The following KIAA1217 variants were observed in gnomAD, a reference collection of about 807,000 sequenced individuals.
The protein encoded by KIAA1217 is KIAA1217, also known as sickle tail protein homolog.
Under a neutral mutation model 163.9 loss-of-function variants are expected in KIAA1217, and 88 were observed. The observed-to-expected ratio is 0.54, with a 90% CI of 0.45 to 0.64. The LOEUF (loss-of-function observed/expected upper bound fraction) is 0.64, where lower values mean the gene tolerates loss of function less well. Among genes scored for constraint, KIAA1217 ranks in the 30% least tolerant of loss-of-function variants. The pLI is 0.00. For missense variants in KIAA1217, 2,372 were observed against 2,475.0 expected (o/e 0.96, Z 0.88); for synonymous variants, 903 against 923.1 (o/e 0.98, Z 0.39).
Position 23,925,599 on chromosome 10 carries a change from C to A in KIAA1217, c.-320-81626C>A, listed in dbSNP as rs143255462. 1.0e-3 allele frequency among the ~76,000 whole-genome samples: 155 copies of A among 152,280 alleles called. 1 individual carries two copies. The highest frequency in any genetic ancestry group is 3.6e-3 in the African/African-American group (149 of 41,556). Reference sequence around the variant, plus strand: ...CAAAGTTCACTTTTATGCTGTGTTCCATGTTTCGAAGGCAGAGGCATCAGT... The same window carrying A: ...CAAAGTTCACTTTTATGCTGTGTTCAATGTTTCGAAGGCAGAGGCATCAGT... On this transcript the variant is annotated intron_variant, in intron 1 of 18. Coordinates refer to the KIAA1217 transcript ENST00000376462.
chr10:24,057,179 G>T lies in KIAA1217; in HGVS notation c.-171+49805G>T, dbSNP rs550716672. On this transcript the variant is annotated intron_variant, in intron 2 of 18. Transcript: ENST00000376462. ...AGAGGATTGCTTGAGTCCAAGAGGT[G>T]GAGGCTGCAGTGAACCATGATCTTG... Among the ~76,000 whole-genome samples, 174 of 152,224 alleles carry T rather than the reference G, an allele frequency of 1.1e-3. 3 individuals carry two copies. The South Asian group carries it at 0.034, about 30-fold the overall frequency.
At chr10:24,450,828 T>A (rs1251250610) in intron 5 of KIAA1217, among the ~76,000 whole-genome samples, 1 of 152,232 alleles carries the variant, frequency 6.6e-6, no homozygotes, top group African/African-American at 2.4e-5. Flanking sequence ...CCAGGCTGAC[T>A]GTCTTCCTTG....
intron 2 of KIAA1217, among the ~76,000 whole-genome samples, chr10:24,193,723 CT>C (rs2066836459): frequency 6.6e-6 from 1 of 150,978 alleles, no homozygotes; most frequent in African/African-American, 2.4e-5. Flanking sequence ...GTGCTCAGTT[CT>C]TAACATTTGA....
intron 1 of KIAA1217, among the ~76,000 whole-genome samples, chr10:23,743,676 G>A (rs1839246168): frequency 6.6e-6 from 1 of 152,128 alleles, no homozygotes; most frequent in Non-Finnish European, 1.5e-5. Context: ...ATGTTTTGGA[G>A]TTCTTAAATT....
At chr10:23,946,800 A>G (rs1363675388) in intron 1 of KIAA1217, among the ~76,000 whole-genome samples, 3 of 152,116 alleles carry the variant, frequency 2.0e-5, no homozygotes, top group Non-Finnish European at 2.9e-5. Flanking sequence ...TGGAGAGACC[A>G]TTTTTATTTT....
chr10:24,087,916 G>GGAAT (rs1202798480), intron 2 of KIAA1217, among the ~76,000 whole-genome samples: 63 of 127,212 alleles, frequency 5.0e-4, no homozygotes, highest in South Asian at 2.0e-3. Context: ...AGCTGTGGTG[G>GGAAT]CCTCCCAAGC....
chr10:23,781,904 C>A (rs1835276484), intron 1 of KIAA1217, among the ~76,000 whole-genome samples: 1 of 152,058 alleles, frequency 6.6e-6, no homozygotes, highest in Middle Eastern at 3.2e-3. Flanking sequence ...TTTCTAGGCT[C>A]TGTATTCTGT....
chr10:23,797,227 T>C (rs939302463), intron 1 of KIAA1217, among the ~76,000 whole-genome samples: 5 of 151,538 alleles, frequency 3.3e-5, no homozygotes, highest in African/African-American at 4.9e-5. Context: ...GACAGGAGAG[T>C]GTTTTCAGGC....
intron 6 of KIAA1217, among the ~76,000 whole-genome samples, chr10:24,480,388 G>A (rs535812956): frequency 6.6e-6 from 1 of 152,304 alleles, no homozygotes; most frequent in African/African-American, 2.4e-5. Flanking sequence ...ACTACCTTCA[G>A]GTCAGTCAAT....
intron 2 of KIAA1217, among the ~76,000 whole-genome samples, chr10:24,363,143 A>G (rs1457418246): frequency 6.6e-6 from 1 of 152,208 alleles, no homozygotes; most frequent in African/African-American, 2.4e-5. Flanking sequence ...TGAAATAGAC[A>G]TAGCAAAAGA....
intron 20 of KIAA1217, chr10:24,545,414 A>C: frequency 4.6e-6 from 6 of 1,304,874 alleles, no homozygotes; most frequent in African/African-American, 1.5e-5. Context: ...CGGGAAGCAG[A>C]GACAAACCAA....
At chr10:24,427,825 A>G (rs2131674937) in intron 3 of KIAA1217, among the ~76,000 whole-genome samples, 1 of 152,340 alleles carries the variant, frequency 6.6e-6, no homozygotes, top group East Asian at 1.9e-4. Flanking sequence ...TCATGCCAAT[A>G]AAACGCCATC....
chr10:24,141,996 A>C (rs928318909), intron 2 of KIAA1217, among the ~76,000 whole-genome samples: 2 of 152,180 alleles, frequency 1.3e-5, no homozygotes, highest in African/African-American at 4.8e-5. Context: ...CAGCCCAAAC[A>C]GGTAAAGACA....
At chr10:23,894,527 G>T (rs1479664904) in intron 1 of KIAA1217, among the ~76,000 whole-genome samples, 2 of 149,966 alleles carry the variant, frequency 1.3e-5, no homozygotes, top group Admixed American at 1.3e-4. Flanking sequence ...CATGCTCATG[G>T]GTAGGAAGAA....
chr10:23,934,620 TA>T (rs1345917599), intron 1 of KIAA1217, among the ~76,000 whole-genome samples: 16 of 93,874 alleles, frequency 1.7e-4, no homozygotes, highest in African/African-American at 1.0e-3. Context: ...TATATATATA[TA>T]TATATTTTTT....
chr10:23,876,494 AAAC>A (rs1346714598), intron 1 of KIAA1217, among the ~76,000 whole-genome samples: 1 of 149,304 alleles, frequency 6.7e-6, no homozygotes, highest in Non-Finnish European at 1.5e-5. Flanking sequence ...AAAAAATGGA[AAAC>A]AAAAAATAAA....
At chr10:24,323,192 G>T (rs1419766987) in intron 2 of KIAA1217, among the ~76,000 whole-genome samples, 1 of 152,100 alleles carries the variant, frequency 6.6e-6, no homozygotes, top group Non-Finnish European at 1.5e-5. Flanking sequence ...CCGACCTCAA[G>T]TGATTCTGTC....
At chr10:23,727,011 A>G (rs12252419) in intron 1 of KIAA1217, among the ~76,000 whole-genome samples, 34,458 of 112,810 alleles carry the variant, frequency 0.31, 6,709 homozygotes, top group African/African-American at 0.56. Context: ...TTTTTGAGAC[A>G]GAGTCTTGCT....
chr10:24,493,964 T>G (rs1307231997), intron 6 of KIAA1217, among the ~76,000 whole-genome samples: 1 of 152,130 alleles, frequency 6.6e-6, no homozygotes, highest in African/African-American at 2.4e-5. Flanking sequence ...CCGGCCGGGT[T>G]TCAGTCATAT....
Sources: allele counts gnomAD v4.1 joint callset (sites outside exome capture counted in the v4.1 genomes callset), GRCh38; gene constraint gnomAD v4.1.1; transcripts MANE v1.5; gene names NCBI Gene and HGNC (gene_info 2026-07-23, HGNC 2026-07-21).